The following FMN1 variants were observed in gnomAD, a reference collection of about 807,000 sequenced individuals.
FMN1 encodes the protein formin-1.
Under a neutral mutation model 132.4 loss-of-function variants are expected in FMN1, and 110 were observed. The ratio of observed to expected loss-of-function variants is 0.83; its 90% CI spans 0.71 to 0.97. FMN1 has a LOEUF of 0.97. Among genes scored for constraint, FMN1 ranks in the 50% least tolerant of loss-of-function variants. The probability of loss-of-function intolerance (pLI) is 0.00; values close to 1 mark genes in which losing one functional copy is unlikely to be tolerated. For synonymous variants in FMN1, 722 were observed against 651.7 expected (o/e 1.11, Z -1.64); for missense variants, 1,792 against 1,705.3 (o/e 1.05, Z -0.90).
intron 9 of FMN1, among the ~76,000 whole-genome samples, chr15:32,936,543 T>C (rs1383625953): frequency 6.6e-6 from 1 of 152,142 alleles, no homozygotes; most frequent in Non-Finnish European, 1.5e-5. Context: ...GTATAAGCTG[T>C]CCAGCTCCTT....
intron 4 of FMN1, among the ~76,000 whole-genome samples, chr15:33,129,991 C>G (rs971590455): frequency 2.0e-5 from 3 of 152,064 alleles, no homozygotes; most frequent in African/African-American, 7.2e-5. Flanking sequence ...GACGGGGTTT[C>G]ACCATGTTGG....
intron 20 of FMN1, among the ~76,000 whole-genome samples, chr15:32,776,075 A>AC (rs199669767): frequency 8.3e-4 from 126 of 152,320 alleles, no homozygotes; most frequent in African/African-American, 2.8e-3. Flanking sequence ...TCTCAAAATA[A>AC]CCCCAAAAAA....
At chr15:32,934,468 GCCCTTTTCATTTCAACT>G (rs1232379428) in intron 9 of FMN1, among the ~76,000 whole-genome samples, 1 of 151,850 alleles carries the variant, frequency 6.6e-6, no homozygotes, top group Non-Finnish European at 1.5e-5. Context: ...GCTATGTCAT[GCCCTTTTCATTTCAACT>G]TTAAAGGCTT....
intron 18 of FMN1, among the ~76,000 whole-genome samples, chr15:32,800,056 G>A (rs1397839822): frequency 6.6e-6 from 1 of 151,818 alleles, no homozygotes; most frequent in East Asian, 1.9e-4. Flanking sequence ...CTGAAGCTCC[G>A]TTACTATTAT....
intron 7 of FMN1, among the ~76,000 whole-genome samples, chr15:32,997,852 G>A (rs1186239476): frequency 6.6e-6 from 1 of 152,152 alleles, no homozygotes; most frequent in Non-Finnish European, 1.5e-5. Flanking sequence ...AGGAAGAAAG[G>A]GAAAGGGCAA....
chr15:32,875,831 G>C (rs2059623706), intron 16 of FMN1, among the ~76,000 whole-genome samples: 1 of 152,192 alleles, frequency 6.6e-6, no homozygotes, highest in African/African-American at 2.4e-5. Context: ...CTCTATTTCT[G>C]TAAAGAAAAT....
chr15:32,908,015 GA>G, intron 12 of FMN1: 1 of 158,942 alleles, frequency 6.3e-6, no homozygotes, highest in Non-Finnish European at 1.4e-5. Context: ...GTGAGGGTGA[GA>G]AAAAGCCACA....
rs2059671693 is a variant in FMN1, at chr15:32,877,726, A to G, written c.3835+10446T>C. Among the ~76,000 whole-genome samples the G allele has an allele frequency of 2.0e-5, 3 of 152,212 alleles. No individual in the cohort carries two copies. The South Asian group carries it at 6.2e-4, about 32-fold the overall frequency. On this transcript the variant is annotated intron_variant, in intron 16 of 20. Coordinates refer to ENST00000616417, the MANE Select transcript of FMN1 (RefSeq NM_001277313.2). Reference sequence around the variant, plus strand: ...AAGGCCATCAGTTTTCTCTTCAGACAGCTTTAAAATCTGTCCCTCTAAAAG... The same window carrying G: ...AAGGCCATCAGTTTTCTCTTCAGACGGCTTTAAAATCTGTCCCTCTAAAAG...
intron 3 of FMN1, among the ~76,000 whole-genome samples, chr15:33,175,519 A>C (rs942290471): frequency 1.3e-5 from 2 of 152,250 alleles, no homozygotes; most frequent in African/African-American, 2.4e-5. Context: ...ATTTTGAAAG[A>C]AATTCAAGAA....
intron 5 of FMN1, among the ~76,000 whole-genome samples, chr15:33,075,020 C>CAAAAAAAAAAAAAAAAAAAA: frequency 1.6e-5 from 1 of 61,662 alleles, no homozygotes; most frequent in Non-Finnish European, 2.8e-5. Context: ...GATTCCATCT[C>CAAAAAAAAAAAAAAAAAAAA]AAAAAAAAAA....
chr15:32,788,237 C>A (rs2056945364), intron 19 of FMN1, among the ~76,000 whole-genome samples: 1 of 152,232 alleles, frequency 6.6e-6, no homozygotes, highest in Non-Finnish European at 1.5e-5. Flanking sequence ...CCAGAGCCGA[C>A]CCGGCGATTT....
At chr15:32,894,849 C>CTGTG (rs10630774) in intron 15 of FMN1, among the ~76,000 whole-genome samples, 151,765 of 151,812 alleles carry the variant, frequency 1, 75,859 homozygotes, top group Middle Eastern at 1. Flanking sequence ...TCAGGTTATT[C>CTGTG]TGTGTATTTA....
At chr15:33,051,846 C>T (rs965446074) in intron 6 of FMN1, among the ~76,000 whole-genome samples, 1 of 152,186 alleles carries the variant, frequency 6.6e-6, no homozygotes, top group Non-Finnish European at 1.5e-5. Context: ...GGAAGCATAC[C>T]AACATATAAA....
rs184888156 is a variant in FMN1, at chr15:33,114,085, C to G, written c.1868-25111G>C. Among the ~76,000 whole-genome samples, 37 of 152,344 alleles carry G rather than the reference C, an allele frequency of 2.4e-4. 1 individual carries two copies. In the East Asian group the frequency reaches 6.4e-3, roughly 26 times the overall value. ...CCCAACACCTTCTCTTGGAGCAGCT[C>G]TGTTCAGAATTGTCAGCCCGGTTTC... On this transcript the variant is annotated intron_variant, in intron 4 of 20. Coordinates refer to ENST00000616417, the MANE Select transcript of FMN1 (RefSeq NM_001277313.2).
At chr15:33,097,198 G>A (rs182998699) in intron 4 of FMN1, among the ~76,000 whole-genome samples, 2 of 152,130 alleles carry the variant, frequency 1.3e-5, no homozygotes, top group East Asian at 3.9e-4. Context: ...TTGGGAGGCT[G>A]AGGTGGGAGG....
chr15:32,969,285 G>A lies in FMN1; in HGVS notation c.2416C>T (p.Gln806Ter), dbSNP rs1471346633. Residue 806 changes from glutamine (Q) to a stop codon, truncating the protein, a stop_gained, in exon 8 of 21, where the codon CAG becomes TAG. Transcript: ENST00000616417. LOFTEE classifies it high-confidence loss of function. ...TTGAGGAAGGTCTCTCTGTCTGTCT[G>A]GACGCACACATTTCTGAAGGTCTTT... Reference protein sequence around the residue: ...PPKTFRNVCVQTDRETFLKPC... With the variant: ...PPKTFRNVCV The A allele has an allele frequency of 6.2e-7, 1 of 1,613,906 alleles. No individual in the cohort carries two copies. The highest frequency in any genetic ancestry group is 1.7e-5 in the Admixed American group (1 of 60,020).
At chr15:33,189,725 G>A (rs769574978) in intron 2 of FMN1, among the ~76,000 whole-genome samples, 7 of 152,128 alleles carry the variant, frequency 4.6e-5, no homozygotes, top group Non-Finnish European at 8.8e-5. Flanking sequence ...GAGAGGTACA[G>A]CATCATTTAC....
chr15:33,075,659 CAGTT>C (rs2038179882), intron 5 of FMN1, among the ~76,000 whole-genome samples: 1 of 152,082 alleles, frequency 6.6e-6, no homozygotes, highest in African/African-American at 2.4e-5. Flanking sequence ...TAAACCAACT[CAGTT>C]ATTTGAGAGA....
chr15:32,903,150 G>A (rs937138326), intron 12 of FMN1, among the ~76,000 whole-genome samples: 1 of 151,606 alleles, frequency 6.6e-6, no homozygotes, highest in African/African-American at 2.4e-5. Flanking sequence ...TTTATTCCAC[G>A]ACTAGGTCAT....
Sources: allele counts gnomAD v4.1 joint callset (sites outside exome capture counted in the v4.1 genomes callset), GRCh38; gene constraint gnomAD v4.1.1; transcripts MANE v1.5; gene names NCBI Gene and HGNC (gene_info 2026-07-23, HGNC 2026-07-21).